CACNB2: variants seen among roughly 807,000 people sequenced by gnomAD.
CACNB2 encodes the protein voltage-dependent L-type calcium channel subunit beta-2.
In CACNB2, 42 loss-of-function variants were observed where a neutral mutation model predicts 73.3. The observed-to-expected ratio is 0.57, with a 90% CI of 0.45 to 0.74. The LOEUF (loss-of-function observed/expected upper bound fraction) is 0.74. Among genes scored for constraint, CACNB2 ranks in the 30% least tolerant of loss-of-function variants. CACNB2 has a pLI of 0.00. For missense variants in CACNB2, 940 were observed against 853.0 expected (o/e 1.10, Z -1.27); for synonymous variants, 348 against 310.3 (o/e 1.12, Z -1.28).
chr10:18,503,779 G>C (rs1467590146), intron 5 of CACNB2, among the ~76,000 whole-genome samples: 1 of 152,150 alleles, frequency 6.6e-6, no homozygotes, highest in Admixed American at 6.6e-5. Context: ...TGAGAAAGGG[G>C]TTCCAAGATG....
chr10:18,360,889 C>T (rs72786031), intron 2 of CACNB2, among the ~76,000 whole-genome samples: 1 of 152,180 alleles, frequency 6.6e-6, no homozygotes, highest in African/African-American at 2.4e-5. Context: ...ATATTCCCTA[C>T]TCACTGTGGG....
chr10:18,196,915 T>C (rs2034650672), intron 2 of CACNB2, among the ~76,000 whole-genome samples: 1 of 152,170 alleles, frequency 6.6e-6, no homozygotes, highest in African/African-American at 2.4e-5. Flanking sequence ...ATCCAGCCCA[T>C]CCTGAGTTTT....
At chr10:18,475,674 C>A (rs958800731) in intron 3 of CACNB2, among the ~76,000 whole-genome samples, 13 of 152,154 alleles carry the variant, frequency 8.5e-5, no homozygotes, top group Non-Finnish European at 1.9e-4. Flanking sequence ...ACTGGCAGAA[C>A]TCAAGATTGG....
rs551448082 is a variant in CACNB2 at position 18,478,851 on chromosome 10, T to C, written c.334-19504T>C. Among the ~76,000 whole-genome samples the C allele has an allele frequency of 3.0e-4, 46 of 152,296 alleles. No individual in the cohort carries two copies. In the South Asian group the frequency reaches 9.3e-3, roughly 31 times the overall value. ...GGAGGGGAAGCAGAAACCATTGGTC[T>C]CTTTGGTGCCTCTGGGTCCTGGGCA... On this transcript the variant is annotated intron_variant, in intron 3 of 13. Transcript: ENST00000324631.
intron 9 of CACNB2, 41 bp from the exon 10 acceptor site, chr10:18,527,547 C>A: frequency 3.1e-6 from 4 of 1,302,160 alleles, no homozygotes; most frequent in Admixed American, 3.4e-5. Flanking sequence ...TTTGATTAGA[C>A]CAATAACCTT....
intron 2 of CACNB2, among the ~76,000 whole-genome samples, chr10:18,375,725 G>A (rs1180598790): frequency 6.6e-6 from 1 of 152,150 alleles, no homozygotes; most frequent in Non-Finnish European, 1.5e-5. Context: ...GAGAGCAAAT[G>A]CCTGAACAAA....
intron 3 of CACNB2, among the ~76,000 whole-genome samples, chr10:18,423,971 ATCTTG>A: frequency 6.6e-6 from 1 of 152,256 alleles, no homozygotes; most frequent in African/African-American, 2.4e-5. Flanking sequence ...ATAGGATGTC[ATCTTG>A]TCTTCTCAAT....
At chr10:18,471,529 T>C (rs755926962) in intron 3 of CACNB2, among the ~76,000 whole-genome samples, 5 of 152,238 alleles carry the variant, frequency 3.3e-5, no homozygotes, top group Non-Finnish European at 5.9e-5. Context: ...CCACTGGTTT[T>C]TGTGAAACTG....
At chr10:18,321,315 G>C (rs2040389000) in intron 2 of CACNB2, among the ~76,000 whole-genome samples, 1 of 152,098 alleles carries the variant, frequency 6.6e-6, no homozygotes, top group Non-Finnish European at 1.5e-5. Flanking sequence ...TTGAGAGATT[G>C]TCTTAGGTTA....
intron 2 of CACNB2, among the ~76,000 whole-genome samples, chr10:18,240,540 A>G (rs2036609118): frequency 6.6e-6 from 1 of 152,156 alleles, no homozygotes; most frequent in Admixed American, 6.5e-5. Context: ...CTTTCTTGAC[A>G]TCTCCTCTTG....
intron 2 of CACNB2, among the ~76,000 whole-genome samples, chr10:18,324,350 A>G (rs1446082660): frequency 6.6e-6 from 1 of 152,178 alleles, no homozygotes; most frequent in African/African-American, 2.4e-5. Context: ...TAAAATATGG[A>G]TTGGAGTTTG....
chr10:18,306,494 T>C (rs1242206033), intron 2 of CACNB2, among the ~76,000 whole-genome samples: 1 of 152,004 alleles, frequency 6.6e-6, no homozygotes, highest in Admixed American at 6.6e-5. Flanking sequence ...GCAGTAGAAA[T>C]GAGGTCCTTG....
intron 2 of CACNB2, among the ~76,000 whole-genome samples, chr10:18,382,316 A>T (rs1365270736): frequency 6.6e-6 from 1 of 151,892 alleles, no homozygotes; most frequent in East Asian, 1.9e-4. Context: ...CTGCTTAGAC[A>T]GTTGTATCTT....
At chr10:18,471,699 T>C (rs1308057238) in intron 3 of CACNB2, among the ~76,000 whole-genome samples, 3 of 152,218 alleles carry the variant, frequency 2.0e-5, no homozygotes, top group Non-Finnish European at 4.4e-5. Flanking sequence ...CTGATGTTCT[T>C]CATTTGCAAA....
At chr10:18,259,717 T>G (rs1452705283) in intron 2 of CACNB2, among the ~76,000 whole-genome samples, 7 of 109,706 alleles carry the variant, frequency 6.4e-5, no homozygotes, top group African/African-American at 1.5e-4. Context: ...GGTGACAGAG[T>G]GAGACTCTGT....
intron 9 of CACNB2, among the ~76,000 whole-genome samples, chr10:18,525,817 C>G (rs2052414227): frequency 6.6e-6 from 1 of 151,276 alleles, no homozygotes; most frequent in Non-Finnish European, 1.5e-5. Flanking sequence ...TTTGTTTTAC[C>G]CTTTGGAAAT....
intron 2 of CACNB2, among the ~76,000 whole-genome samples, chr10:18,253,772 T>C (rs908828468): frequency 4.3e-4 from 65 of 152,134 alleles, no homozygotes; most frequent in African/African-American, 1.5e-3. Context: ...TCTCCTTCCA[T>C]CCCCATGTAA....
chr10:18,517,792 G>A (rs2051428847), intron 7 of CACNB2, among the ~76,000 whole-genome samples: 1 of 152,136 alleles, frequency 6.6e-6, no homozygotes, highest in African/African-American at 2.4e-5. Flanking sequence ...TGACAGTAGT[G>A]AGAGTTACAA....
At position 18,541,091 on chromosome 10, in the gene CACNB2, A is replaced by C. The variant is rs776070378; in HGVS notation, c.*1367A>C. 6.6e-6 allele frequency: 1 copy of C among 152,606 alleles called. No homozygotes were observed. The highest frequency in any genetic ancestry group is 1.5e-5 in the Non-Finnish European group (1 of 68,036). The allele number at this position is 152,606 out of a possible 1,614,324, so 9.5% of individuals were successfully genotyped here. A position where few individuals can be genotyped will look rare whatever the true frequency, so the allele number is the denominator to read the frequency against. ...TGTGGAATTATTTCGTGGGAAAATA[A>C]ATTTTTATAACTTCTCCCACTTCAA... On this transcript the variant is annotated 3_prime_UTR_variant, in exon 14 of 14. Coordinates refer to ENST00000324631, the MANE Select transcript of CACNB2 (RefSeq NM_201596.3).
Sources: gnomAD v4.1 joint callset for allele counts (sites outside exome capture counted in the v4.1 genomes callset) on GRCh38, gnomAD v4.1.1 for gene constraint, MANE v1.5 for transcripts, NCBI Gene and HGNC (gene_info 2026-07-23, HGNC 2026-07-21) for gene names.